The following DOCK2 variants were observed in gnomAD, a reference collection of about 807,000 sequenced individuals.
DOCK2 encodes dedicator of cytokinesis 2, also known as dedicator of cytokinesis protein 2.
Under a neutral mutation model 248.9 loss-of-function variants are expected in DOCK2, and 87 were observed. The observed-to-expected ratio is 0.35, with a 90% CI of 0.29 to 0.42. DOCK2 has a LOEUF of 0.42. Ranked by LOEUF, DOCK2 falls within the 10% of genes least tolerant of loss-of-function variation. The pLI is 1.00. For missense variants in DOCK2, 1,747 were observed against 2,300.2 expected, an observed-to-expected ratio of 0.76 and a Z score of 4.92; for synonymous variants, 805 against 821.6, an observed-to-expected ratio of 0.98 and a Z score of 0.35.
chr5:169,649,388 A>G (rs562636356), intron 1 of DOCK2, among the ~76,000 whole-genome samples: 72 of 152,358 alleles, frequency 4.7e-4, no homozygotes, highest in Middle Eastern at 3.4e-3. Context: ...GATAAATGCA[A>G]GAAAGAATAT....
chr5:169,655,665 G>A (rs1758067907), intron 2 of DOCK2, among the ~76,000 whole-genome samples: 1 of 152,082 alleles, frequency 6.6e-6, no homozygotes, highest in Non-Finnish European at 1.5e-5. Context: ...TTTGTACAAG[G>A]ATGCTTGTGT....
At position 169,876,070 on chromosome 5, in the gene DOCK2, G is replaced by A. The variant is rs1184254414; in HGVS notation, c.2799+35218G>A. ...ATCCCTTGCCTTCTCTCACTTTTGG[G>A]GTCTGCCATGCCTCCTGGCTTGTGA... On this transcript the variant is annotated intron_variant, in intron 27 of 51. Coordinates refer to ENST00000520908, the MANE Select transcript of DOCK2 (RefSeq NM_004946.3). Among the ~76,000 whole-genome samples, 3 of 152,048 alleles carry A rather than the reference G, an allele frequency of 2.0e-5. No individual in the cohort carries two copies. In the East Asian group the frequency reaches 5.8e-4, roughly 29 times the overall value.
At chr5:169,704,950 T>C (rs1318858192) in intron 14 of DOCK2, among the ~76,000 whole-genome samples, 2 of 152,060 alleles carry the variant, frequency 1.3e-5, no homozygotes, top group Non-Finnish European at 2.9e-5. Flanking sequence ...TCACTTGAGG[T>C]CAGGAGTTTG....
Position 170,056,717 on chromosome 5 carries a change from C to T in DOCK2, c.4329C>T (p.His1443=). 1 of 1,614,136 alleles carries T rather than the reference C, an allele frequency of 6.2e-7. No individual in the cohort carries two copies. Among genetic ancestry groups the T allele is most frequent in the Non-Finnish European group, 8.5e-7 (1 of 1,179,992 alleles). The stretch of plus-strand genomic sequence containing the variant: ...AATCCAACTACGTGCAAAGGTTCCA[C>T]TACTCCCGGCCCGTGCGCAGGGGGA... ...FYKSNYVQRF[H]YSRPVRRGTV... Residue 1443 remains histidine, a synonymous_variant, in exon 43 of 52, where the codon CAC becomes CAT. Transcript: ENST00000520908.
intron 27 of DOCK2, among the ~76,000 whole-genome samples, chr5:169,885,577 C>T (rs910934624): frequency 6.6e-6 from 1 of 152,202 alleles, no homozygotes; most frequent in African/African-American, 2.4e-5. Flanking sequence ...TGAGGAACAA[C>T]TACCTCATAA....
intron 27 of DOCK2, among the ~76,000 whole-genome samples, chr5:169,936,240 TC>T (rs1775986520): frequency 6.6e-6 from 1 of 152,190 alleles, no homozygotes; most frequent in African/African-American, 2.4e-5. Flanking sequence ...TGATAACACT[TC>T]CGTGCATGGT....
chr5:169,670,822 CT>C (rs1759010907), intron 4 of DOCK2, among the ~76,000 whole-genome samples: 1 of 152,156 alleles, frequency 6.6e-6, no homozygotes, highest in Admixed American at 6.6e-5. Context: ...GAGAATCAAA[CT>C]TTTTGCTGGC....
intron 26 of DOCK2, among the ~76,000 whole-genome samples, chr5:169,837,582 A>G (rs999383372): frequency 1.3e-5 from 2 of 152,200 alleles, no homozygotes; most frequent in Non-Finnish European, 1.5e-5. Flanking sequence ...AGGGCTTACT[A>G]TATACCAACC....
intron 29 of DOCK2, among the ~76,000 whole-genome samples, chr5:169,990,457 T>C (rs1778175258): frequency 1.3e-5 from 2 of 151,674 alleles, no homozygotes; most frequent in African/African-American, 4.9e-5. Flanking sequence ...TCCAGCTGGC[T>C]GCAGGATCCC....
intron 27 of DOCK2, among the ~76,000 whole-genome samples, chr5:169,902,362 AT>A (rs1188398520): frequency 1.3e-5 from 2 of 152,200 alleles, no homozygotes; most frequent in East Asian, 3.9e-4. Flanking sequence ...AGTGAGCCAC[AT>A]TTTAGAAAGC....
chr5:169,778,457 C>T (rs1005271404), intron 25 of DOCK2, among the ~76,000 whole-genome samples: 1 of 152,192 alleles, frequency 6.6e-6, no homozygotes, highest in African/African-American at 2.4e-5. Flanking sequence ...GCTCTTATTG[C>T]ACTCTTCTCT....
chr5:169,948,280 G>A (rs1776523308), intron 27 of DOCK2, among the ~76,000 whole-genome samples: 1 of 145,072 alleles, frequency 6.9e-6, no homozygotes, highest in South Asian at 2.1e-4. Context: ...TTAGTAGAGG[G>A]ATTCAGAACG....
chr5:169,693,758 C>A (rs1760441323), intron 9 of DOCK2, among the ~76,000 whole-genome samples: 1 of 152,102 alleles, frequency 6.6e-6, no homozygotes. Flanking sequence ...GGAAACAGAA[C>A]CCATGGAATA....
At chr5:169,729,430 C>T (rs888409887) in intron 22 of DOCK2, among the ~76,000 whole-genome samples, 2 of 152,180 alleles carry the variant, frequency 1.3e-5, no homozygotes, top group Non-Finnish European at 2.9e-5. Flanking sequence ...TCATGTGGCA[C>T]ATATGGTCAC....
chr5:170,017,627 A>G (rs1755579495), intron 32 of DOCK2, among the ~76,000 whole-genome samples: 1 of 152,090 alleles, frequency 6.6e-6, no homozygotes, highest in Non-Finnish European at 1.5e-5. Context: ...ATAATCACTC[A>G]TTTTTTCTTT....
intron 27 of DOCK2, chr5:169,934,741 C>G (rs1309637267): frequency 2.2e-6 from 1 of 456,032 alleles, no homozygotes. Context: ...GGGCTGCTCA[C>G]GGGATCAGTG....
intron 14 of DOCK2, among the ~76,000 whole-genome samples, chr5:169,703,567 C>T (rs1761095457): frequency 6.6e-6 from 1 of 152,096 alleles, no homozygotes; most frequent in Non-Finnish European, 1.5e-5. Context: ...AAAAATGAGG[C>T]TAATAACCAC....
At chr5:169,699,898 C>A in intron 12 of DOCK2, 116 bp from the exon 13 acceptor site, 1 of 1,463,680 alleles carries the variant, frequency 6.8e-7, no homozygotes, top group Non-Finnish European at 9.3e-7. Context: ...GCATCTGTGG[C>A]TGTATGACTC....
At chr5:169,656,251 G>T (rs1758108974) in intron 2 of DOCK2, among the ~76,000 whole-genome samples, 1 of 151,926 alleles carries the variant, frequency 6.6e-6, no homozygotes, top group Non-Finnish European at 1.5e-5. Flanking sequence ...ACAGGCACGA[G>T]ACCTCACATT....
Sources: allele counts gnomAD v4.1 joint callset (sites outside exome capture counted in the v4.1 genomes callset), GRCh38; gene constraint gnomAD v4.1.1; transcripts MANE v1.5; gene names NCBI Gene and HGNC (gene_info 2026-07-23, HGNC 2026-07-21).